Variants in MICALL2 observed in about 807,000 individuals in gnomAD.
The protein encoded by MICALL2 is MICAL like 2, also known as MICAL-like protein 2.
MICALL2 carries 111 observed loss-of-function variants against 91.1 expected under a neutral mutation model. That is an observed-to-expected ratio of 1.22 (90% CI 1.04 to 1.43). MICALL2 has a LOEUF of 1.43. Ranked by LOEUF, MICALL2 falls within the 40% of genes most tolerant of loss-of-function variation. The pLI is 0.00. For synonymous variants in MICALL2, 694 were observed against 525.3 expected (o/e 1.32, Z -4.39); for missense variants, 1,556 against 1,236.0 (o/e 1.26, Z -3.88).
chr7:1,440,978 A>C, intron 7 of MICALL2: 1 of 428,390 alleles, frequency 2.3e-6, no homozygotes, highest in Non-Finnish European at 4.4e-6. Flanking sequence ...GTGGACCCTG[A>C]TCCTCTGTCC....
intron 1 of MICALL2, among the ~76,000 whole-genome samples, chr7:1,454,492 G>A (rs868096007): frequency 2.2e-4 from 33 of 152,192 alleles, no homozygotes; most frequent in African/African-American, 7.5e-4. Context: ...GGGGAGGGGA[G>A]GCCGCAGAGC....
rs60627497 is a variant in MICALL2 at position 1,436,385 on chromosome 7, A to AAAAAACAAAAACAAAAAC, written c.2591+356_2591+357insGTTTTTGTTTTTGTTTTT. Reference sequence around the variant, plus strand: ...CAACAGGAGGGAAACTTCGTCTCAAAAAAAACAAAAACAAAAAATTAGCCG... The same window carrying AAAAAACAAAAACAAAAAC: ...CAACAGGAGGGAAACTTCGTCTCAAAAAAAACAAAAACAAAAACAAAAACAAAAACAAAAAATTAGCCG... On this transcript the variant is annotated intron_variant, in intron 15 of 16. Coordinates refer to ENST00000297508, the MANE Select transcript of MICALL2 (RefSeq NM_182924.4). 4.6e-3 allele frequency among the ~76,000 whole-genome samples: 683 copies of AAAAAACAAAAACAAAAAC among 149,108 alleles called. 4 individuals carry two copies. The highest frequency in any genetic ancestry group is 0.027 in the East Asian group (137 of 5,036).
chr7:1,434,980 T>TTCCC, intron 16 of MICALL2, 121 bp downstream of exon 16: 2 of 628,932 alleles, frequency 3.2e-6, no homozygotes, highest in African/African-American at 2.0e-5. Context: ...GGGGACCCGA[T>TTCCC]ACCCGCCCCC....
intron 10 of MICALL2, 29 bp from the exon 11 acceptor site, chr7:1,438,382 G>A (rs562940176): frequency 1.0e-5 from 16 of 1,583,364 alleles, no homozygotes; most frequent in African/African-American, 9.4e-5. Context: ...GAGCCTCTGG[G>A]ACCTGGGCCA....
At position 1,438,845 on chromosome 7, in the gene MICALL2, T is replaced by C. The variant is rs565134026; in HGVS notation, c.2117A>G (p.Lys706Arg). The C allele has an allele frequency of 6.0e-5, 96 of 1,603,446 alleles. No homozygotes were observed. The highest frequency in any genetic ancestry group is 1.7e-4 in the Middle Eastern group (1 of 6,036). ...GCGGTGTCTCTGGGGCTGACCTGGTTTGCCCTGAAGGTGAGGTTTCTTCTC... is the reference window on the plus strand; with the variant it reads ...GCGGTGTCTCTGGGGCTGACCTGGTCTGCCCTGAAGGTGAGGTTTCTTCTC... ...EEEKKPHLQG[K>R]PGRPLSPANV... is the part of the protein sequence containing the mutation. Residue 706 changes from lysine to arginine, a missense_variant, in exon 10 of 17, where the codon AAA (lysine) becomes AGA (arginine). By Grantham distance (26) the Lys-to-Arg change is conservative (BLOSUM62 2). Coordinates refer to ENST00000297508, the MANE Select transcript of MICALL2 (RefSeq NM_182924.4).
chr7:1,436,758 C>G lies in MICALL2; in HGVS notation c.2575G>C (p.Asp859His), dbSNP rs763733424. The change falls in exon 15 of 17, where the codon GAC (aspartate) becomes CAC (histidine). Residue 859 changes from aspartate (D) to histidine (H), a missense_variant. Asp to His is a moderately conservative substitution (Grantham distance 81). Coordinates refer to ENST00000297508, the MANE Select transcript of MICALL2 (RefSeq NM_182924.4). ...GCCCCTCACCGGAGCCGGTCCTCGT[C>G]CAGCGAGTCCACGATGTCACTGCGG... ...NDRSDIVDSL[D>H]EDRLREQEED... 3 of 1,607,150 alleles carry G rather than the reference C, an allele frequency of 1.9e-6. No homozygotes were observed. Among genetic ancestry groups the G allele is most frequent in the Non-Finnish European group, 2.5e-6 (3 of 1,177,938 alleles).
intron 7 of MICALL2, chr7:1,441,847 C>T (rs1371335739): frequency 3.0e-6 from 1 of 335,870 alleles, no homozygotes; most frequent in Non-Finnish European, 5.5e-6. Context: ...CAGGAGGCCC[C>T]ACAGACCACG....
chr7:1,440,184 C>T lies in MICALL2; in HGVS notation c.1806-99G>A, dbSNP rs1047271718. On this transcript the variant is annotated intron_variant, in intron 8 of 16. Transcript: ENST00000297508. ...CCATATGCAGACCAGCCGGAGGGAG[C>T]AGGTGGCCTTCTGAGCAAATGCCAC... 4.1e-6 allele frequency: 6 copies of T among 1,459,042 alleles called. No individual in the cohort carries two copies. The East Asian group carries it at 1.4e-4, about 35-fold the overall frequency. The allele number at this position is 1,459,042 out of a possible 1,614,324, so 90.4% of individuals were successfully genotyped here.
rs190248759 is a variant in MICALL2, at chr7:1,454,604, G to T, written c.144-4316C>A. Among the ~76,000 whole-genome samples, 1,003 of 152,340 alleles carry T rather than the reference G, an allele frequency of 6.6e-3. 12 individuals are homozygous for T. Among genetic ancestry groups the T allele is most frequent in the African/African-American group, 0.022 (920 of 41,574 alleles). On this transcript the variant is annotated intron_variant, in intron 1 of 16. Coordinates refer to ENST00000297508, the MANE Select transcript of MICALL2 (RefSeq NM_182924.4). ...GCCCCCTCCCGCGCCCGTCCTGGAGGGTTCCGGCCAGAGGCGGCCACAGAG... is the reference window on the plus strand; with the variant it reads ...GCCCCCTCCCGCGCCCGTCCTGGAGTGTTCCGGCCAGAGGCGGCCACAGAG...
intron 2 of MICALL2, 129 bp from the exon 3 acceptor site, chr7:1,448,890 A>C (rs1780711915): frequency 8.7e-7 from 1 of 1,146,828 alleles, no homozygotes; most frequent in African/African-American, 1.5e-5. Context: ...GCCGGAGCTG[A>C]GTTCTGCTCG....
Position 1,447,727 on chromosome 7 carries a change from A to G in MICALL2, c.373T>C (p.Ser125Pro), listed in dbSNP as rs1324806182. The G allele has an allele frequency of 6.4e-7, 1 of 1,572,194 alleles. No individual in the cohort carries two copies. Among genetic ancestry groups the G allele is most frequent in the Non-Finnish European group, 8.6e-7 (1 of 1,159,688 alleles). ...TTCTTCCCTGACGGCTCCTCCTCAGAGTCCTCCGAGGCCCTCTTCACGCCT... is the reference window on the plus strand; with the variant it reads ...TTCTTCCCTGACGGCTCCTCCTCAGGGTCCTCCGAGGCCCTCTTCACGCCT... ...MAGVKRASED[S>P]EEEPSGKKAP... The change falls in exon 4 of 17, where the codon TCT becomes CCT. Residue 125 changes from serine to proline, a missense_variant. By Grantham distance (74) the Ser-to-Pro change is moderately conservative. Transcript: ENST00000297508.
Position 1,440,571 on chromosome 7 carries a change from C to A in MICALL2, c.1805+20G>T. 1 of 1,606,692 alleles carries A rather than the reference C, an allele frequency of 6.2e-7. No homozygotes were observed. On this transcript the variant is annotated intron_variant, in intron 8 of 16. Coordinates refer to ENST00000297508, the MANE Select transcript of MICALL2 (RefSeq NM_182924.4). Reference sequence around the variant, plus strand: ...ACCTATGGTGTACCAGGCCCTGGGCCAGCCCCACCCATCCCTAACCTCTCA... The same window carrying A: ...ACCTATGGTGTACCAGGCCCTGGGCAAGCCCCACCCATCCCTAACCTCTCA...
At chr7:1,442,817 G>A (rs1379265784) in intron 6 of MICALL2, among the ~76,000 whole-genome samples, 1 of 152,188 alleles carries the variant, frequency 6.6e-6, no homozygotes, top group African/African-American at 2.4e-5. Flanking sequence ...TGTTGGCTGA[G>A]ATTAAAATAT....
Position 1,456,147 on chromosome 7 carries a change from G to A in MICALL2, c.143+3037C>T, listed in dbSNP as rs374767978. Among the ~76,000 whole-genome samples, 77 of 152,058 alleles carry A rather than the reference G, an allele frequency of 5.1e-4. 1 individual carries two copies. In the East Asian group the frequency reaches 9.3e-3, roughly 18 times the overall value. Reference sequence around the variant, plus strand: ...ACGTCCAAAGAGCCAGGGGCCAGGCGCGGCGGCTCACATCTGTAATCCCAG... The same window carrying A: ...ACGTCCAAAGAGCCAGGGGCCAGGCACGGCGGCTCACATCTGTAATCCCAG... On this transcript the variant is annotated intron_variant, in intron 1 of 16. Coordinates refer to ENST00000297508, the MANE Select transcript of MICALL2 (RefSeq NM_182924.4).
At chr7:1,438,430 C>G (rs149653957) in intron 10 of MICALL2, 77 bp from the exon 11 acceptor site, 2 of 1,540,052 alleles carry the variant, frequency 1.3e-6, no homozygotes, top group Non-Finnish European at 1.8e-6. Context: ...TTGGAAGGAG[C>G]CTGACCTCAG....
rs1780053570 is a variant in MICALL2 at position 1,437,905 on chromosome 7, G to C, written c.2387C>G (p.Ser796Ter). ...HEKQLLLRQE[S>*]ELMYKSKAQR... ...GGGCTCTCACTTGTACATCAGCTCT[G>C]ACTCCTGTCTCAGCAGAAGCTGCTT... The change falls in exon 13 of 17, where the codon TCA (serine) becomes TGA (stop). Residue 796 changes from serine (S) to a stop codon, truncating the protein, a stop_gained. Coordinates refer to ENST00000297508, the MANE Select transcript of MICALL2 (RefSeq NM_182924.4). LOFTEE classifies it high-confidence loss of function. 6.5e-7 allele frequency: 1 copy of C among 1,548,998 alleles called. No homozygotes were observed. The highest frequency in any genetic ancestry group is 2.0e-5 in the Admixed American group (1 of 50,984).
Position 1,437,707 on chromosome 7 carries a change from C to T in MICALL2, c.2403-99G>A, listed in dbSNP as rs1245717214. 17 of 1,356,404 alleles carry T rather than the reference C, an allele frequency of 1.3e-5. No homozygotes were observed. In the African/African-American group the frequency reaches 1.6e-4, roughly 13 times the overall value. The allele number at this position is 1,356,404 out of a possible 1,614,324, so 84.0% of individuals were successfully genotyped here. On this transcript the variant is annotated intron_variant, in intron 13 of 16. Coordinates refer to ENST00000297508, the MANE Select transcript of MICALL2 (RefSeq NM_182924.4). ...AGGTCCTGGACCTGCCACACAGACACGAGTCTGAGGCCTGACTCGCCGCCC... is the reference window on the plus strand; with the variant it reads ...AGGTCCTGGACCTGCCACACAGACATGAGTCTGAGGCCTGACTCGCCGCCC...
chr7:1,437,035 C>T (rs538902049), intron 14 of MICALL2, 179 bp from the exon 15 acceptor site: 1 of 521,560 alleles, frequency 1.9e-6, no homozygotes, highest in East Asian at 3.4e-5. Flanking sequence ...ACGGCCACGT[C>T]AGAGCCCGTG....
chr7:1,457,383 G>T (rs573518848), intron 1 of MICALL2, among the ~76,000 whole-genome samples: 1 of 152,302 alleles, frequency 6.6e-6, no homozygotes, highest in Non-Finnish European at 1.5e-5. Flanking sequence ...CCGGAGCTGG[G>T]GGCAGAGGGC....
Sources: allele counts gnomAD v4.1 joint callset (sites outside exome capture counted in the v4.1 genomes callset), GRCh38; gene constraint gnomAD v4.1.1; transcripts MANE v1.5; gene names NCBI Gene and HGNC (gene_info 2026-07-23, HGNC 2026-07-21).